Variants in SOX5 observed in about 807,000 individuals in gnomAD.
SOX5 encodes SRY-box transcription factor 5, also known as transcription factor SOX-5.
In SOX5, 9 loss-of-function variants were observed where a neutral mutation model predicts 92.0. The observed-to-expected ratio is 0.10, with a 90% CI of 0.06 to 0.17. The LOEUF is 0.17. Ranked by LOEUF, SOX5 falls within the 10% of genes least tolerant of loss-of-function variation. SOX5 has a pLI of 1.00. For synonymous variants in SOX5, 344 were observed against 336.3 expected, an observed-to-expected ratio of 1.02 and a Z score of -0.25; for missense variants, 642 against 944.5, an observed-to-expected ratio of 0.68 and a Z score of 4.20.
chr12:23,760,373 T>C (rs796417835), intron 3 of SOX5, among the ~76,000 whole-genome samples: 13 of 152,202 alleles, frequency 8.5e-5, no homozygotes, highest in African/African-American at 3.1e-4. Flanking sequence ...TAAATGCTTA[T>C]ATTTTAAAAA....
intron 12 of SOX5, among the ~76,000 whole-genome samples, chr12:23,544,779 T>C (rs774570153): frequency 2.0e-5 from 3 of 152,234 alleles, no homozygotes; most frequent in Non-Finnish European, 2.9e-5. Flanking sequence ...ATTTATGAAA[T>C]GTGTTATTAC....
chr12:24,208,913 C>T (rs1958297198), intron 4 of SOX5, among the ~76,000 whole-genome samples: 1 of 152,070 alleles, frequency 6.6e-6, no homozygotes, highest in Non-Finnish European at 1.5e-5. Flanking sequence ...TTGGATTTAG[C>T]ATGATAACGG....
In SOX5 at chr12:23,832,480, T is replaced by A. The variant is rs138314212; in HGVS notation, c.481+13503A>T. ...AGGAGCAGATTTTAACTACATAATATTAAAAATGTATAAAGGAGAATTATA... is the reference window on the plus strand; with the variant it reads ...AGGAGCAGATTTTAACTACATAATAATAAAAATGTATAAAGGAGAATTATA... On this transcript the variant is annotated intron_variant, in intron 3 of 14. Transcript: ENST00000451604. Among the ~76,000 whole-genome samples the A allele has an allele frequency of 1.1e-4, 16 of 152,086 alleles. No homozygotes were observed. The East Asian group carries it at 2.3e-3, about 22-fold the overall frequency.
At chr12:24,017,232 C>T (rs1383662427) in intron 4 of SOX5, among the ~76,000 whole-genome samples, 2 of 152,194 alleles carry the variant, frequency 1.3e-5, no homozygotes, top group Non-Finnish European at 2.9e-5. Context: ...CTCAGAAGCT[C>T]CCATCCTGAC....
chr12:23,650,641 T>C (rs888006686), intron 7 of SOX5, among the ~76,000 whole-genome samples: 15 of 152,086 alleles, frequency 9.9e-5, no homozygotes, highest in African/African-American at 3.6e-4. Flanking sequence ...CTGCCATTTA[T>C]AGGGCTAATA....
intron 1 of SOX5, among the ~76,000 whole-genome samples, chr12:24,385,017 TGA>T (rs144729275): frequency 0.025 from 3,768 of 150,396 alleles, 71 homozygotes; most frequent in East Asian, 0.05. Context: ...TAAGATATTT[TGA>T]GAGAGAGAGA....
intron 1 of SOX5, among the ~76,000 whole-genome samples, chr12:24,523,805 A>C (rs1213334653): frequency 6.6e-6 from 1 of 152,204 alleles, no homozygotes; most frequent in African/African-American, 2.4e-5. Context: ...AGAAAACATA[A>C]GGGAAAATCT....
intron 3 of SOX5, among the ~76,000 whole-genome samples, chr12:24,246,546 CA>C (rs1418800055): frequency 2.6e-5 from 4 of 151,794 alleles, no homozygotes; most frequent in African/African-American, 9.7e-5. Flanking sequence ...TCAGTTCCTT[CA>C]TATTATAAAC....
At chr12:24,453,027 A>T (rs1172606644) in intron 1 of SOX5, among the ~76,000 whole-genome samples, 3 of 152,202 alleles carry the variant, frequency 2.0e-5, no homozygotes, top group African/African-American at 7.2e-5. Context: ...CTTTGCATTT[A>T]AAGTACCTTC....
At chr12:23,895,705 TTATAAA>T in intron 2 of SOX5, 82 bp downstream of exon 2, 1 of 840,664 alleles carries the variant, frequency 1.2e-6, no homozygotes, top group Non-Finnish European at 2.0e-6. Context: ...TAGATGTTAA[TTATAAA>T]GCAAAGGACT....
At chr12:23,713,310 T>C (rs911052372) in intron 6 of SOX5, among the ~76,000 whole-genome samples, 1 of 152,196 alleles carries the variant, frequency 6.6e-6, no homozygotes, top group Admixed American at 6.5e-5. Context: ...CAACTTGATT[T>C]CAGACTCTGA....
chr12:24,078,274 T>G (rs1942896674), intron 4 of SOX5, among the ~76,000 whole-genome samples: 1 of 151,878 alleles, frequency 6.6e-6, no homozygotes, highest in Non-Finnish European at 1.5e-5. Context: ...GAGAGAGAAC[T>G]TTGTGAAGTG....
chr12:24,314,572 T>C (rs1949526632), intron 2 of SOX5, among the ~76,000 whole-genome samples: 1 of 150,768 alleles, frequency 6.6e-6, no homozygotes, highest in Non-Finnish European at 1.5e-5. Context: ...TAAAAAAAAA[T>C]TATAACAGTT....
chr12:24,372,633 G>A (rs968438467), intron 1 of SOX5, among the ~76,000 whole-genome samples: 9 of 152,054 alleles, frequency 5.9e-5, no homozygotes, highest in African/African-American at 1.9e-4. Flanking sequence ...ATAATCCTTT[G>A]GGTATATACC....
chr12:24,389,511 C>T (rs1262969453), intron 1 of SOX5, among the ~76,000 whole-genome samples: 1 of 152,138 alleles, frequency 6.6e-6, no homozygotes, highest in African/African-American at 2.4e-5. Context: ...ACAGATCAAC[C>T]CATCACCTAG....
chr12:24,282,643 C>T (rs924763767), intron 2 of SOX5, among the ~76,000 whole-genome samples: 2 of 151,882 alleles, frequency 1.3e-5, no homozygotes, highest in African/African-American at 2.4e-5. Context: ...TGTTATTTAC[C>T]GAGCACTATT....
intron 4 of SOX5, among the ~76,000 whole-genome samples, chr12:24,148,678 C>G (rs1951335738): frequency 1.6e-5 from 2 of 122,854 alleles, no homozygotes; most frequent in Admixed American, 1.8e-4. Context: ...AGTGAGACCC[C>G]CATCTCTACT....
chr12:23,643,184 A>G (rs889703266), intron 7 of SOX5, among the ~76,000 whole-genome samples: 1 of 151,954 alleles, frequency 6.6e-6, no homozygotes, highest in African/African-American at 2.4e-5. Context: ...TTTAAATGGT[A>G]TAACTGGTAA....
At chr12:23,897,720 T>C (rs1207675307) in intron 1 of SOX5, among the ~76,000 whole-genome samples, 1 of 152,120 alleles carries the variant, frequency 6.6e-6, no homozygotes, top group Non-Finnish European at 1.5e-5. Context: ...ATTAGATAAA[T>C]GCTCCCTGGC....
Sources: gnomAD v4.1 joint callset for allele counts (sites outside exome capture counted in the v4.1 genomes callset) on GRCh38, gnomAD v4.1.1 for gene constraint, MANE v1.5 for transcripts, NCBI Gene and HGNC (gene_info 2026-07-23, HGNC 2026-07-21) for gene names.